The following PITPNA variants were observed in gnomAD, a reference collection of about 807,000 sequenced individuals.
The protein encoded by PITPNA is phosphatidylinositol transfer protein alpha.
Under a neutral mutation model 50.3 loss-of-function variants are expected in PITPNA, and 13 were observed. The observed-to-expected ratio is 0.26, with a 90% CI of 0.17 to 0.41. The LOEUF is 0.41. Among genes scored for constraint, PITPNA ranks in the 10% least tolerant of loss-of-function variants. The pLI is 1.00. For missense variants in PITPNA, 207 were observed against 333.4 expected (o/e 0.62, Z 2.95); for synonymous variants, 120 against 119.6 (o/e 1.00, Z -0.02).
At chr17:1,526,722 C>A (rs2075550392) in intron 10 of PITPNA, among the ~76,000 whole-genome samples, 1 of 152,142 alleles carries the variant, frequency 6.6e-6, no homozygotes. Context: ...CTGTCAGAAA[C>A]AAGGTTCCCC....
At chr17:1,531,618 G>A (rs1049066667) in intron 10 of PITPNA, among the ~76,000 whole-genome samples, 19 of 151,852 alleles carry the variant, frequency 1.3e-4, no homozygotes, top group African/African-American at 4.1e-4. Flanking sequence ...GCCACTGCAC[G>A]ACGCCAAGCA....
chr17:1,562,495 C>T lies in PITPNA; in HGVS notation c.20+46G>A, dbSNP rs1320367643. On this transcript the variant is annotated intron_variant, in intron 1 of 11. Transcript: ENST00000313486. This position sits in a 1 kb window ranked among gnomAD's most constrained non-coding sequence, Gnocchi z 6.4. ...CCGCGCCGTCGCCCCGGCGGCCGTC[C>T]CCACCCTCCCTCCTCCCCGCTTCCG... The T allele has an allele frequency of 3.6e-6, 5 of 1,398,854 alleles. No homozygotes were observed. Among genetic ancestry groups the T allele is most frequent in the South Asian group, 2.9e-5 (2 of 69,114 alleles). 86.7% of individuals were successfully genotyped at this position (1,398,854 alleles called of 1,614,324 possible).
intron 10 of PITPNA, among the ~76,000 whole-genome samples, chr17:1,523,364 A>C (rs1310743587): frequency 6.6e-6 from 1 of 152,154 alleles, no homozygotes; most frequent in Non-Finnish European, 1.5e-5. Flanking sequence ...TTTGTTTGAG[A>C]CAGGGTCTGG....
At chr17:1,524,185 T>C (rs553317280) in intron 10 of PITPNA, among the ~76,000 whole-genome samples, 62 of 151,646 alleles carry the variant, frequency 4.1e-4, no homozygotes, top group African/African-American at 1.4e-3. Flanking sequence ...GCTGAGACTA[T>C]AGGTGCCCAC....
chr17:1,535,353 C>A lies in PITPNA; in HGVS notation c.535-61G>T, dbSNP rs919972273. 5.3e-5 allele frequency: 80 copies of A among 1,497,298 alleles called. No individual in the cohort carries two copies. The South Asian group carries it at 8.9e-4, about 17-fold the overall frequency. The allele number at this position is 1,497,298 out of a possible 1,614,324, so 92.8% of individuals were successfully genotyped here. A position where few individuals can be genotyped will look rare whatever the true frequency, so the allele number is the denominator to read the frequency against. ...CAACGGGCAGACCTCAGGCCGTCCC[C>A]AGCTCACCCCAGCCATGCCCCTCCT... On this transcript the variant is annotated intron_variant, in intron 8 of 11. Coordinates refer to ENST00000313486, the MANE Select transcript of PITPNA (RefSeq NM_006224.4).
At chr17:1,558,456 A>C in intron 2 of PITPNA, 73 bp downstream of exon 2, 1 of 913,518 alleles carries the variant, frequency 1.1e-6, no homozygotes, top group African/African-American at 1.6e-5. Context: ...CAGGATAACC[A>C]CTCAGAGCCC....
At chr17:1,530,287 T>C (rs2075573437) in intron 10 of PITPNA, among the ~76,000 whole-genome samples, 1 of 152,146 alleles carries the variant, frequency 6.6e-6, no homozygotes, top group Admixed American at 6.6e-5. Context: ...GATACCTCCT[T>C]CCATTTTTCA....
At chr17:1,535,001 G>A (rs574442359) in intron 9 of PITPNA, among the ~76,000 whole-genome samples, 181 bp downstream of exon 9, 19 of 152,096 alleles carry the variant, frequency 1.2e-4, no homozygotes, top group African/African-American at 4.3e-4. Flanking sequence ...CGCAGTCACT[G>A]GGAAGGCCTC....
intron 2 of PITPNA, 102 bp from the exon 3 acceptor site, chr17:1,553,251 C>T (rs1315781128): frequency 3.1e-6 from 4 of 1,303,164 alleles, no homozygotes; most frequent in Non-Finnish European, 4.3e-6. Context: ...CCTGGGGTCT[C>T]CTCATGCAGG....
At chr17:1,538,819 A>G (rs772307333) in intron 7 of PITPNA, 50 bp downstream of exon 7, 1 of 1,124,062 alleles carries the variant, frequency 8.9e-7, no homozygotes, top group Non-Finnish European at 1.3e-6. Context: ...TAGCATTGAG[A>G]AGTCATTTCT....
intron 10 of PITPNA, among the ~76,000 whole-genome samples, chr17:1,531,473 T>C (rs762447615): frequency 3.3e-5 from 5 of 151,820 alleles, no homozygotes; most frequent in Non-Finnish European, 7.4e-5. Context: ...GAGCTTGCAG[T>C]GAGCCGAGAT....
In PITPNA at chr17:1,534,212, G is replaced by A; in HGVS notation, c.655C>T (p.Arg219Cys). Residue 219 changes from arginine (R) to cysteine (C), a missense_variant, in exon 10 of 12, where the codon CGT (arginine) becomes TGT (cysteine). Physicochemically the swap from Arg to Cys is radical, Grantham distance 180. Transcript: ENST00000313486. ...TGCCTGTGGAAGTTTGTAAACAGAC[G>A]CCTCTCTTGCTATAGAAAGGAGGGA... The part of the protein sequence containing the change: ...VENFIHKQER[R>C]LFTNFHRQLF... 4.3e-6 allele frequency: 7 copies of A among 1,613,816 alleles called. No homozygotes were observed. The highest frequency in any genetic ancestry group is 5.9e-6 in the Non-Finnish European group (7 of 1,179,806).
chr17:1,543,943 T>C (rs1289944200), intron 4 of PITPNA, among the ~76,000 whole-genome samples: 1 of 152,204 alleles, frequency 6.6e-6, no homozygotes, highest in African/African-American at 2.4e-5. Context: ...ATCATGGGTA[T>C]AGTATCTCGT....
Position 1,562,453 on chromosome 17 carries a change from G to C in PITPNA, c.20+88C>G, listed in dbSNP as rs970734051. On this transcript the variant is annotated intron_variant, in intron 1 of 11. Coordinates refer to ENST00000313486, the MANE Select transcript of PITPNA (RefSeq NM_006224.4). The surrounding 1 kb of genome is among the most constrained non-coding windows in gnomAD (Gnocchi z 6.4). ...GTCCCTGCTGCCCCTCCGTCCATCC[G>C]GGCCCTGCGTCCCTCGCCGCGCCGT... 2 of 1,104,684 alleles carry C rather than the reference G, an allele frequency of 1.8e-6. No homozygotes were observed. The highest frequency in any genetic ancestry group is 3.3e-5 in the African/African-American group (2 of 60,702). 68.4% of individuals were successfully genotyped at this position (1,104,684 alleles called of 1,614,324 possible).
At chr17:1,536,583 CCT>C (rs2075618971) in intron 7 of PITPNA, among the ~76,000 whole-genome samples, 1 of 151,046 alleles carries the variant, frequency 6.6e-6, no homozygotes, top group East Asian at 2.0e-4. Flanking sequence ...GCCACCGCGC[CCT>C]GCCTTATTTT....
At chr17:1,527,252 G>T (rs192401190) in intron 10 of PITPNA, among the ~76,000 whole-genome samples, 396 of 150,776 alleles carry the variant, frequency 2.6e-3, no homozygotes, top group Non-Finnish European at 4.7e-3. Flanking sequence ...CTGGTTGGTT[G>T]GTTTGTTTTG....
intron 10 of PITPNA, 109 bp downstream of exon 10, chr17:1,533,990 C>A: frequency 1.6e-6 from 2 of 1,266,512 alleles, no homozygotes; most frequent in Admixed American, 1.8e-5. Flanking sequence ...CAGACACTGA[C>A]GTGTTCCCAG....
intron 4 of PITPNA, among the ~76,000 whole-genome samples, chr17:1,546,944 A>C (rs2075677720): frequency 6.6e-6 from 1 of 152,244 alleles, no homozygotes; most frequent in Non-Finnish European, 1.5e-5. Flanking sequence ...CTGTTTCAGC[A>C]GAAGCCACAG....
At chr17:1,554,573 G>T (rs2075726228) in intron 2 of PITPNA, among the ~76,000 whole-genome samples, 1 of 151,870 alleles carries the variant, frequency 6.6e-6, no homozygotes, top group Admixed American at 6.6e-5. Flanking sequence ...AAACAGAAAG[G>T]ATGTATCTCT....
Sources: allele counts gnomAD v4.1 joint callset (sites outside exome capture counted in the v4.1 genomes callset), GRCh38; gene constraint gnomAD v4.1.1; non-coding constraint Gnocchi (gnomAD v3.1); transcripts MANE v1.5; gene names NCBI Gene and HGNC (gene_info 2026-07-23, HGNC 2026-07-21).